Variants in TOP3B observed in about 807,000 individuals in gnomAD.
TOP3B encodes the protein DNA topoisomerase III beta, also known as DNA topoisomerase 3-beta-1.
TOP3B carries 45 observed loss-of-function variants against 93.9 expected under a neutral mutation model. The observed-to-expected ratio is 0.48, with a 90% CI of 0.38 to 0.61. TOP3B has a LOEUF of 0.61. Among genes scored for constraint, TOP3B ranks in the 20% least tolerant of loss-of-function variants. TOP3B has a pLI of 0.00. For synonymous variants in TOP3B, 357 were observed against 472.6 expected (o/e 0.76, Z 3.17); for missense variants, 750 against 1,156.1 (o/e 0.65, Z 5.09).
In TOP3B at chr22:21,964,044, CAG is replaced by C; in HGVS notation, c.1099-18_1099-17del. 6.2e-7 allele frequency: 1 copy of C among 1,603,236 alleles called. No individual in the cohort carries two copies. ...ACCGCTTCACCTGAGGGAGAGAAGA[CAG>C]AGCAGAGTCTGTGGCTGGGCTCGGC... On this transcript the variant is annotated splice_polypyrimidine_tract_variant and intron_variant, in intron 10 of 17. Coordinates refer to ENST00000357179, the MANE Select transcript of TOP3B (RefSeq NM_001282112.2).
In TOP3B at chr22:21,965,374, A is replaced by G. The variant is rs775988838; in HGVS notation, c.854T>C (p.Val285Ala). The change falls in exon 9 of 18, where the codon GTG becomes GCG. Residue 285 changes from valine to alanine, a missense_variant and splice_region_variant. Val to Ala is a moderately conservative substitution (Grantham distance 64). This residue lies in a region of TOP3B where 737 missense variants were observed against 933.7 expected (regional missense o/e 0.79). Transcript: ENST00000357179. ...CTTTTCTTTCCTGCTTGTGGCCTCC[A>G]CCTGGAAGACAGGACAGTCAATGAT... ...NMTKLEKEAQ[V>A]EATSRKEKAK... 1.3e-6 allele frequency: 2 copies of G among 1,599,506 alleles called. No homozygotes were observed. Among genetic ancestry groups the G allele is most frequent in the Non-Finnish European group, 1.7e-6 (2 of 1,172,486 alleles).
chr22:21,967,663 C>T lies in TOP3B; in HGVS notation c.792G>A (p.Val264=), dbSNP rs1001796497. The T allele has an allele frequency of 6.2e-7, 1 of 1,614,068 alleles. No individual in the cohort carries two copies. Among genetic ancestry groups the T allele is most frequent in the African/African-American group, 1.3e-5 (1 of 74,932 alleles). Residue 264 remains valine, a synonymous_variant, in exon 8 of 18, where the codon GTG becomes GTA. Coordinates refer to ENST00000357179, the MANE Select transcript of TOP3B (RefSeq NM_001282112.2). ...SLLLDWDRVR[V]FDREIAQMFL... Reference sequence around the variant, plus strand: ...ACATCTGTGCGATCTCCCGGTCAAACACTCTTACTCGGTCCCAGTCCAAAA... The same window carrying T: ...ACATCTGTGCGATCTCCCGGTCAAATACTCTTACTCGGTCCCAGTCCAAAA...
chr22:21,959,128 C>G lies in TOP3B; in HGVS notation c.1905+4G>C. ...TTGCCTGAGCTAGTGTTCCCTGCAC[C>G]TACCTGGATGTACTTCATGAAGCGG... On this transcript the variant is annotated splice_donor_region_variant and intron_variant, in intron 16 of 17. Transcript: ENST00000357179. The G allele has an allele frequency of 6.2e-7, 1 of 1,613,708 alleles. No homozygotes were observed. The highest frequency in any genetic ancestry group is 8.5e-7 in the Non-Finnish European group (1 of 1,179,966).
rs751052588 is a variant in TOP3B, at chr22:21,959,669, G to C, written c.1722C>G (p.Gly574=). 2.5e-5 allele frequency: 40 copies of C among 1,613,616 alleles called. No homozygotes were observed. The Admixed American group carries it at 6.5e-4, about 26-fold the overall frequency. The change falls in exon 15 of 18, where the codon GGC becomes GGG. Residue 574 remains glycine, a synonymous_variant. Coordinates refer to ENST00000357179, the MANE Select transcript of TOP3B (RefSeq NM_001282112.2). The part of the protein sequence containing the change: ...VEKQLNLIAQ[G]KADYRQVLGH... Reference sequence around the variant, plus strand: ...CCAGGACCTGGCGGTAGTCGGCCTTGCCCTGGGCGATCAGGTTCAGCTGCT... The same window carrying C: ...CCAGGACCTGGCGGTAGTCGGCCTTCCCCTGGGCGATCAGGTTCAGCTGCT...
chr22:21,963,678 T>G lies in TOP3B; in HGVS notation c.1204+245A>C. On this transcript the variant is annotated intron_variant, in intron 11 of 17. Transcript: ENST00000357179. This position sits in a 1 kb window ranked among gnomAD's most constrained non-coding sequence, Gnocchi z 4.8. Reference sequence around the variant, plus strand: ...CCACACCGCCACTCTCTACCCTGGTTTCATTCATGTCCCCTGTGGCGTCTG... The same window carrying G: ...CCACACCGCCACTCTCTACCCTGGTGTCATTCATGTCCCCTGTGGCGTCTG... 1.9e-6 allele frequency: 1 copy of G among 521,562 alleles called. No homozygotes were observed. The highest frequency in any genetic ancestry group is 3.4e-6 in the Non-Finnish European group (1 of 291,816). 32.3% of individuals were successfully genotyped at this position (521,562 alleles called of 1,614,324 possible). A position where few individuals can be genotyped will look rare whatever the true frequency, so the allele number is the denominator to read the frequency against.
Position 21,974,181 on chromosome 22 carries a change from T to C in TOP3B, c.202+176A>G. On this transcript the variant is annotated intron_variant, in intron 3 of 17. Transcript: ENST00000357179. The stretch of plus-strand genomic sequence containing the variant: ...GGACCCAGGGCTGAGTTCCAGAGCC[T>C]GGGTTCTGGGCACCGCACCAGGGAC... The C allele has an allele frequency of 4.1e-6, 3 of 728,140 alleles. No homozygotes were observed. In the East Asian group the frequency reaches 9.4e-5, roughly 23 times the overall value. 45.1% of individuals were successfully genotyped at this position (728,140 alleles called of 1,614,324 possible).
At chr22:21,960,499 A>T in intron 13 of TOP3B, 50 bp from the exon 14 acceptor site, 1 of 1,608,588 alleles carries the variant, frequency 6.2e-7, no homozygotes, top group African/African-American at 1.3e-5. Flanking sequence ...GACATGCCCC[A>T]CTGAACCATG....
intron 2 of TOP3B, 158 bp from the exon 3 acceptor site, chr22:21,974,646 T>C (rs1569156970): frequency 2.6e-6 from 2 of 775,956 alleles, no homozygotes; most frequent in East Asian, 5.7e-5. Flanking sequence ...AGTTGGGCAC[T>C]GAGAGGTGGG....
At position 21,959,193 on chromosome 22, in the gene TOP3B, G is replaced by T. The variant is rs1389319786; in HGVS notation, c.1844C>A (p.Ala615Glu). 6.2e-7 allele frequency: 1 copy of T among 1,613,490 alleles called. No individual in the cohort carries two copies. The highest frequency in any genetic ancestry group is 1.7e-5 in the Admixed American group (1 of 60,024). ...GCGTGAGAGGGGCTTGCCTGTGGCC[G>T]CCAGGGGCGAGAAAGACACCTCCAT... ...ELMEVSFSPL[A>E]ATGKPLSRCG... The change falls in exon 16 of 18, where the codon GCG (alanine) becomes GAG (glutamate). Residue 615 changes from alanine to glutamate, a missense_variant. Around this residue, in one of 4 missense-constraint regions of TOP3B, gnomAD observed 737 missense variants for 933.7 expected, o/e 0.79. Transcript: ENST00000357179.
In TOP3B at chr22:21,963,911, T is replaced by G; in HGVS notation, c.1204+12A>C. On this transcript the variant is annotated intron_variant, in intron 11 of 17. Transcript: ENST00000357179. The surrounding 1 kb of genome is among the most constrained non-coding windows in gnomAD (Gnocchi z 4.8). The stretch of plus-strand genomic sequence containing the variant: ...CCCTGGAAGCACACCGGGTATGGGA[T>G]GAGAGCGGTACCTAATTCGGCCTCT... 6.2e-7 allele frequency: 1 copy of G among 1,612,958 alleles called. No homozygotes were observed. Among genetic ancestry groups the G allele is most frequent in the Non-Finnish European group, 8.5e-7 (1 of 1,179,626 alleles).
chr22:21,958,645 G>A lies in TOP3B; in HGVS notation c.1954C>T (p.Leu652Phe). ...AGCTTGATGGTGCCGTTCTGGGGGA[G>A]CGTGTAGGTCTCATCGCAGTGGGAG... Reference protein sequence around the residue: ...HCSHCDETYTLPQNGTIKLYK... With the variant: ...HCSHCDETYTFPQNGTIKLYK... Residue 652 changes from leucine (L) to phenylalanine (F), a missense_variant, in exon 17 of 18, where the codon CTC (leucine) becomes TTC (phenylalanine). This residue lies in a region of TOP3B where 737 missense variants were observed against 933.7 expected (regional missense o/e 0.79). Coordinates refer to ENST00000357179, the MANE Select transcript of TOP3B (RefSeq NM_001282112.2). The A allele has an allele frequency of 6.2e-7, 1 of 1,613,740 alleles. No individual in the cohort carries two copies. Among genetic ancestry groups the A allele is most frequent in the Non-Finnish European group, 8.5e-7 (1 of 1,179,960 alleles).
Position 21,971,333 on chromosome 22 carries a change from T to C in TOP3B, c.384+544A>G, listed in dbSNP as rs2071631321. 1 of 289,774 alleles carries C rather than the reference T, an allele frequency of 3.5e-6. No homozygotes were observed. The highest frequency in any genetic ancestry group is 6.8e-6 in the Non-Finnish European group (1 of 146,826). The allele number at this position is 289,774 out of a possible 1,614,324, so 18.0% of individuals were successfully genotyped here. ...GGGCACCAAGTGAGACCAGCAGTCA[T>C]GGCCACTGTGAGGGCACCATGGCCG... On this transcript the variant is annotated intron_variant, in intron 5 of 17. Coordinates refer to ENST00000357179, the MANE Select transcript of TOP3B (RefSeq NM_001282112.2). This position sits in a 1 kb window ranked among gnomAD's most constrained non-coding sequence, Gnocchi z 4.6.
chr22:21,971,109 T>C lies in TOP3B; in HGVS notation c.385-703A>G. 2 of 1,262,924 alleles carry C rather than the reference T, an allele frequency of 1.6e-6. No individual in the cohort carries two copies. The highest frequency in any genetic ancestry group is 5.7e-5 in the East Asian group (1 of 17,398). The allele number at this position is 1,262,924 out of a possible 1,614,324, so 78.2% of individuals were successfully genotyped here. On this transcript the variant is annotated intron_variant, in intron 5 of 17. Transcript: ENST00000357179. This position sits in a 1 kb window ranked among gnomAD's most constrained non-coding sequence, Gnocchi z 4.6. ...GCTGCCCCCATTCTCCATTCCCAGA[T>C]GCAAAGGCCCCCAGGGAGGAGCCGC...
intron 14 of TOP3B, 133 bp downstream of exon 14, chr22:21,960,188 T>G: frequency 3.7e-6 from 5 of 1,335,076 alleles, no homozygotes; most frequent in South Asian, 2.6e-5. Context: ...CTTCAGCGGG[T>G]GTTGAGGGAG....
intron 3 of TOP3B, chr22:21,973,717 T>C (rs2145872214): frequency 6.6e-6 from 1 of 152,340 alleles, no homozygotes. Context: ...CTTTGCTGTG[T>C]GTCGGGCCCT....
In TOP3B at chr22:21,962,879, GC is replaced by G; in HGVS notation, c.1218del (p.Trp406CysfsTer76). The G allele has an allele frequency of 6.2e-7, 1 of 1,613,264 alleles. No individual in the cohort carries two copies. Among genetic ancestry groups the G allele is most frequent in the Non-Finnish European group, 8.5e-7 (1 of 1,179,604 alleles). ...TGTCTGGTGATGTACTCATAGAGCC[GC>G]CACGCGTCACCCCCTGCAACAGGCC... ...ATEAELGGDA[W>X]RLYEYITRHF... On this transcript the variant is annotated frameshift_variant, in exon 12 of 18. Transcript: ENST00000357179. LOFTEE classifies it high-confidence loss of function.
In TOP3B at chr22:21,970,685, C is replaced by A; in HGVS notation, c.385-279G>T. 2.1e-6 allele frequency: 1 copy of A among 480,406 alleles called. No individual in the cohort carries two copies. The highest frequency in any genetic ancestry group is 2.3e-5 in the South Asian group (1 of 42,756). The allele number at this position is 480,406 out of a possible 1,614,324, so 29.8% of individuals were successfully genotyped here. On this transcript the variant is annotated intron_variant, in intron 5 of 17. Transcript: ENST00000357179. This position sits in a 1 kb window ranked among gnomAD's most constrained non-coding sequence, Gnocchi z 4.4. ...TCGAACACTCCCTTCTTACTCCCGC[C>A]CTCTCTTCTAATCCTCTGCTTTCAT...
At chr22:21,964,100 G>T in intron 10 of TOP3B, 61 bp downstream of exon 10, 1 of 1,610,138 alleles carries the variant, frequency 6.2e-7, no homozygotes. Flanking sequence ...TGACGTACCA[G>T]ACCTGGTCCC....
At chr22:21,960,811 T>C (rs909217601) in intron 13 of TOP3B, 1 of 258,360 alleles carries the variant, frequency 3.9e-6, no homozygotes. Context: ...ACCCACCTGC[T>C]CCCGGAGCCA....
Sources: allele counts gnomAD v4.1 joint callset, GRCh38; gene constraint gnomAD v4.1.1; regional missense constraint gnomAD v4.1.1; non-coding constraint Gnocchi (gnomAD v3.1); transcripts MANE v1.5; gene names NCBI Gene and HGNC (gene_info 2026-07-23, HGNC 2026-07-21).